The following NCAM2 variants were observed in gnomAD, a reference collection of about 807,000 sequenced individuals.
NCAM2 encodes neural cell adhesion molecule 2, also known as N-CAM-2.
NCAM2 carries 30 observed loss-of-function variants against 98.1 expected under a neutral mutation model. The observed-to-expected ratio is 0.31, with a 90% CI of 0.23 to 0.41. The LOEUF (loss-of-function observed/expected upper bound fraction) is 0.41, where lower values mean the gene tolerates loss of function less well. NCAM2 is among the 10% of genes least tolerant of loss of function. NCAM2 has a pLI of 1.00. For missense variants in NCAM2, 867 were observed against 1,005.8 expected, an observed-to-expected ratio of 0.86 and a Z score of 1.87; for synonymous variants, 368 against 342.4, an observed-to-expected ratio of 1.07 and a Z score of -0.83.
intron 1 of NCAM2, among the ~76,000 whole-genome samples, chr21:21,231,956 T>A (rs550892573): frequency 6.6e-6 from 1 of 151,728 alleles, no homozygotes; most frequent in Non-Finnish European, 1.5e-5. Flanking sequence ...ATTTTACCAT[T>A]ATAAAAACCA....
At chr21:21,150,754 G>T (rs2067423227) in intron 1 of NCAM2, among the ~76,000 whole-genome samples, 4 of 151,772 alleles carry the variant, frequency 2.6e-5, no homozygotes, top group Non-Finnish European at 1.5e-5. Context: ...ATTAGTGATG[G>T]TATTGTTTTC....
intron 8 of NCAM2, among the ~76,000 whole-genome samples, chr21:21,371,809 G>A (rs1455769987): frequency 6.6e-6 from 1 of 151,684 alleles, no homozygotes; most frequent in Non-Finnish European, 1.5e-5. Flanking sequence ...AACTATTACA[G>A]TTTGCTCAGC....
chr21:21,367,973 C>A (rs2075826687), intron 8 of NCAM2, among the ~76,000 whole-genome samples: 1 of 151,856 alleles, frequency 6.6e-6, no homozygotes, highest in South Asian at 2.1e-4. Flanking sequence ...AGCATTTTGA[C>A]AACTGTCTGT....
intron 12 of NCAM2, among the ~76,000 whole-genome samples, chr21:21,457,216 T>G (rs1435264757): frequency 6.6e-6 from 1 of 152,190 alleles, no homozygotes; most frequent in African/African-American, 2.4e-5. Flanking sequence ...AGTCTCAGTA[T>G]TCTTTGTGAA....
At chr21:21,423,773 A>G (rs9978001) in intron 11 of NCAM2, among the ~76,000 whole-genome samples, 11,374 of 152,060 alleles carry the variant, frequency 0.075, 474 homozygotes, top group East Asian at 0.15. Flanking sequence ...GTCAAATTCA[A>G]TATTTTAGCT....
intron 1 of NCAM2, among the ~76,000 whole-genome samples, chr21:21,049,120 G>A (rs1049230850): frequency 7.0e-5 from 8 of 114,472 alleles, no homozygotes; most frequent in Admixed American, 6.6e-4. Context: ...CCGGGTTCAC[G>A]CCATTCTCCT....
chr21:21,290,740 G>T (rs981158456), intron 4 of NCAM2, among the ~76,000 whole-genome samples: 3 of 151,720 alleles, frequency 2.0e-5, no homozygotes, highest in Admixed American at 6.6e-5. Context: ...AGGCTTGTCC[G>T]TTTAATGAGT....
chr21:21,185,055 A>G (rs2068595372), intron 1 of NCAM2, among the ~76,000 whole-genome samples: 2 of 152,178 alleles, frequency 1.3e-5, no homozygotes, highest in African/African-American at 4.8e-5. Context: ...TATGCAAAAT[A>G]ATGATACATT....
At chr21:21,493,920 A>G (rs1410996625) in intron 15 of NCAM2, among the ~76,000 whole-genome samples, 3 of 151,986 alleles carry the variant, frequency 2.0e-5, no homozygotes, top group African/African-American at 7.2e-5. Context: ...AGTCAGATGC[A>G]TTATATAATA....
At chr21:21,040,492 A>T (rs1402849100) in intron 1 of NCAM2, among the ~76,000 whole-genome samples, 1 of 152,100 alleles carries the variant, frequency 6.6e-6, no homozygotes, top group African/African-American at 2.4e-5. Context: ...TATAGAAATG[A>T]TGCAATATTC....
chr21:21,126,045 ACGC>A (rs2034732867), intron 1 of NCAM2, among the ~76,000 whole-genome samples: 1 of 151,806 alleles, frequency 6.6e-6, no homozygotes, highest in South Asian at 2.1e-4. Flanking sequence ...TTTGTCTAAC[ACGC>A]GCATGAAAAC....
chr21:21,522,158 A>G (rs940924335), intron 16 of NCAM2, among the ~76,000 whole-genome samples: 2 of 148,026 alleles, frequency 1.4e-5, no homozygotes, highest in Non-Finnish European at 3.0e-5. Flanking sequence ...AATGAATACT[A>G]TATATATGAA....
At chr21:21,506,632 G>A (rs1169638556) in intron 15 of NCAM2, among the ~76,000 whole-genome samples, 1 of 151,910 alleles carries the variant, frequency 6.6e-6, no homozygotes, top group South Asian at 2.1e-4. Context: ...AATCCCCATG[G>A]CTGAGAAAAT....
At chr21:21,045,284 T>C (rs1373096059) in intron 1 of NCAM2, among the ~76,000 whole-genome samples, 2 of 152,092 alleles carry the variant, frequency 1.3e-5, no homozygotes, top group African/African-American at 2.4e-5. Flanking sequence ...AATAAATAAA[T>C]AAAATACAAA....
chr21:21,431,709 G>T (rs1184232107), intron 11 of NCAM2, among the ~76,000 whole-genome samples: 1 of 151,886 alleles, frequency 6.6e-6, no homozygotes, highest in East Asian at 1.9e-4. Flanking sequence ...ATTATTTATG[G>T]TGATGGTTGA....
chr21:21,334,431 G>A (rs148780588), intron 6 of NCAM2, among the ~76,000 whole-genome samples: 1 of 152,100 alleles, frequency 6.6e-6, no homozygotes, highest in Admixed American at 6.6e-5. Flanking sequence ...GGAAGGAACT[G>A]CTTAGTGTAT....
intron 15 of NCAM2, among the ~76,000 whole-genome samples, chr21:21,477,742 TAATC>T (rs1985353995): frequency 6.6e-6 from 1 of 152,180 alleles, no homozygotes; most frequent in Non-Finnish European, 1.5e-5. Flanking sequence ...TGACTGATGA[TAATC>T]AACGTGAAAA....
In NCAM2 at chr21:21,268,335, A is replaced by G. The variant is rs73318654; in HGVS notation, c.56-12243A>G. On this transcript the variant is annotated intron_variant, in intron 1 of 17. Coordinates refer to ENST00000400546, the MANE Select transcript of NCAM2 (RefSeq NM_004540.5). ...GTGCTGCATGTTTGGGTTTTGGGACATTGCACCTTCCCACACCACACAGGA... is the reference window on the plus strand; with the variant it reads ...GTGCTGCATGTTTGGGTTTTGGGACGTTGCACCTTCCCACACCACACAGGA... Among the ~76,000 whole-genome samples, 1,413 of 152,250 alleles carry G rather than the reference A, an allele frequency of 9.3e-3. 26 individuals carry two copies. The highest frequency in any genetic ancestry group is 0.033 in the African/African-American group (1,351 of 41,534).
rs1156588500 is a variant in NCAM2 at position 21,479,583 on chromosome 21, C to CAAAAAAAAAAAAAAAA, written c.2077+2122_2077+2137dup. On this transcript the variant is annotated intron_variant, in intron 15 of 17. Coordinates refer to ENST00000400546, the MANE Select transcript of NCAM2 (RefSeq NM_004540.5). Reference sequence around the variant, plus strand: ...TGGGAGACAGAGCGAGACTGCGTCTCAAAAAAAAAAAAAAAAAAAAAAAAA... The same window carrying CAAAAAAAAAAAAAAAA: ...TGGGAGACAGAGCGAGACTGCGTCTCAAAAAAAAAAAAAAAAAAAAAAAAAAAAAAAAAAAAAAAAA... Among the ~76,000 whole-genome samples, 232 of 30,936 alleles carry CAAAAAAAAAAAAAAAA rather than the reference C, an allele frequency of 7.5e-3. 19 individuals are homozygous for CAAAAAAAAAAAAAAAA. The highest frequency in any genetic ancestry group is 0.012 in the Non-Finnish European group (172 of 14,866). The allele number at this position is 30,936 out of a possible 152,430, so 20.3% of individuals were successfully genotyped here.
Sources: gnomAD v4.1 joint callset for allele counts (sites outside exome capture counted in the v4.1 genomes callset) on GRCh38, gnomAD v4.1.1 for gene constraint, MANE v1.5 for transcripts, NCBI Gene and HGNC (gene_info 2026-07-23, HGNC 2026-07-21) for gene names.